The following GLB1 variants were observed in gnomAD, a reference collection of about 807,000 sequenced individuals.
GLB1 encodes the protein beta-galactosidase.
Under a neutral mutation model 74.0 loss-of-function variants are expected in GLB1, and 56 were observed. That is an observed-to-expected ratio of 0.76 (90% CI 0.61 to 0.94). GLB1 has a LOEUF of 0.94. GLB1 is among the 40% of genes least tolerant of loss of function. The pLI is 0.00. For synonymous variants in GLB1, 323 were observed against 323.6 expected (o/e 1.00, Z 0.02); for missense variants, 787 against 845.5 (o/e 0.93, Z 0.86).
intron 1 of GLB1, among the ~76,000 whole-genome samples, chr3:33,081,932 C>T (rs1700337403): frequency 6.6e-6 from 1 of 152,198 alleles, no homozygotes; most frequent in East Asian, 1.9e-4. Context: ...ATCCAATTCC[C>T]AGCTTTGAGC....
At chr3:33,073,252 C>A (rs12633904) in intron 1 of GLB1, among the ~76,000 whole-genome samples, 7 of 152,048 alleles carry the variant, frequency 4.6e-5, no homozygotes, top group Middle Eastern at 3.4e-3. Flanking sequence ...ATCTCTAACC[C>A]TACCTCTCTT....
At chr3:33,089,918 T>A (rs1047242417) in intron 1 of GLB1, among the ~76,000 whole-genome samples, 6 of 152,086 alleles carry the variant, frequency 3.9e-5, no homozygotes, top group African/African-American at 1.4e-4. Flanking sequence ...ACAAAAAAAA[T>A]GGTTAAGATA....
intron 15 of GLB1, among the ~76,000 whole-genome samples, chr3:33,013,113 A>AT (rs1559381671): frequency 6.6e-6 from 1 of 152,000 alleles, no homozygotes; most frequent in Non-Finnish European, 1.5e-5. Context: ...CACACTTGAC[A>AT]TTTTCCCCTC....
At chr3:32,982,063 C>G in the GLB1 span, among the ~76,000 whole-genome samples, 1 of 152,160 alleles carries the variant, frequency 6.6e-6, no homozygotes, top group African/African-American at 2.4e-5. Flanking sequence ...CCTGTAATCT[C>G]AGCACTTTGG....
intron 15 of GLB1, 53 bp from the exon 16 acceptor site, chr3:32,997,397 A>C: frequency 6.2e-7 from 1 of 1,607,548 alleles, no homozygotes; most frequent in Admixed American, 1.7e-5. Flanking sequence ...GAAAGCCCTG[A>C]GGAAGGTGGG....
At chr3:33,003,585 A>G (rs1003632281) in intron 15 of GLB1, among the ~76,000 whole-genome samples, 1 of 152,246 alleles carries the variant, frequency 6.6e-6, no homozygotes, top group Non-Finnish European at 1.5e-5. Context: ...CGGAAATAGT[A>G]GGTCTTGTAG....
At chr3:33,091,619 A>C (rs1700766102) in intron 1 of GLB1, 18 of 984,208 alleles carry the variant, frequency 1.8e-5, no homozygotes, top group Non-Finnish European at 2.2e-5. Context: ...CCCTCCTGAC[A>C]AAACAATCTT....
chr3:33,054,983 A>G (rs919184905), intron 6 of GLB1, among the ~76,000 whole-genome samples: 19 of 152,254 alleles, frequency 1.2e-4, no homozygotes, highest in Non-Finnish European at 2.5e-4. Flanking sequence ...ACTTGCTCTG[A>G]GATGGGCCTT....
chr3:33,037,048 ATTTTT>A (rs71070114), intron 10 of GLB1, among the ~76,000 whole-genome samples: 1 of 144,056 alleles, frequency 6.9e-6, no homozygotes, highest in Non-Finnish European at 1.5e-5. Context: ...ACCACAATTA[ATTTTT>A]TTTTTTTTTT....
Position 33,093,818 on chromosome 3 carries a change from G to A in GLB1, c.75+3193C>T, listed in dbSNP as rs993380472. ...GGATGAAGAGGAAGAAGAGCATGATGATGTAAGCACCCAGGCAGGAGTAGG... is the reference window on the plus strand; with the variant it reads ...GGATGAAGAGGAAGAAGAGCATGATAATGTAAGCACCCAGGCAGGAGTAGG... On this transcript the variant is annotated intron_variant, in intron 1 of 15. Transcript: ENST00000307363. The surrounding 1 kb of genome is among the most constrained non-coding windows in gnomAD (Gnocchi z 6.0). 1.2e-6 allele frequency: 2 copies of A among 1,613,434 alleles called. No homozygotes were observed. Among genetic ancestry groups the A allele is most frequent in the African/African-American group, 2.7e-5 (2 of 74,920 alleles).
At chr3:33,002,165 G>C (rs2125448394) in intron 15 of GLB1, among the ~76,000 whole-genome samples, 1 of 152,272 alleles carries the variant, frequency 6.6e-6, no homozygotes, top group East Asian at 1.9e-4. Flanking sequence ...GACCCTGGCA[G>C]ACTCTCCACC....
intron 1 of GLB1, chr3:33,091,857 G>A (rs1278778928): frequency 1.3e-5 from 13 of 985,256 alleles, no homozygotes; most frequent in African/African-American, 1.7e-5. Flanking sequence ...TTTCTAACAC[G>A]GGTGCTTATC....
At chr3:33,012,774 C>T (rs1174401231) in intron 15 of GLB1, among the ~76,000 whole-genome samples, 3 of 152,112 alleles carry the variant, frequency 2.0e-5, no homozygotes, top group African/African-American at 2.4e-5. Context: ...CTGAGTCATC[C>T]GAGACATATC....
At chr3:33,038,858 G>C (rs2125502101) in intron 10 of GLB1, among the ~76,000 whole-genome samples, 1 of 152,210 alleles carries the variant, frequency 6.6e-6, no homozygotes, top group Middle Eastern at 3.4e-3. Context: ...TAACTGCCTG[G>C]TAGAAGTAAA....
At chr3:33,006,970 A>G (rs1186020947) in intron 15 of GLB1, among the ~76,000 whole-genome samples, 2 of 152,190 alleles carry the variant, frequency 1.3e-5, no homozygotes, top group African/African-American at 2.4e-5. Flanking sequence ...CCATGTGCTA[A>G]CGTGCTCATT....
chr3:33,045,764 C>T lies in GLB1; in HGVS notation c.1068+356G>A. ...TCTCTCCCATCACCCTACCTCTCAC[C>T]TGAACTTTTGGAAAGATAATCTGGC... is the stretch of plus-strand genomic sequence containing the variant. On this transcript the variant is annotated intron_variant, in intron 10 of 15. Transcript: ENST00000307363. The T allele has an allele frequency of 2.0e-5, 23 of 1,169,202 alleles. No individual in the cohort carries two copies. The South Asian group carries it at 3.9e-4, about 20-fold the overall frequency. 72.4% of individuals were successfully genotyped at this position (1,169,202 alleles called of 1,614,324 possible).
chr3:33,008,885 C>T (rs951151892), intron 15 of GLB1, among the ~76,000 whole-genome samples: 1 of 151,966 alleles, frequency 6.6e-6, no homozygotes, highest in East Asian at 1.9e-4. Context: ...TCTGGGAGGC[C>T]GAGGCAGGCA....
chr3:32,980,728 C>T, the GLB1 span, among the ~76,000 whole-genome samples: 1 of 151,996 alleles, frequency 6.6e-6, no homozygotes, highest in Non-Finnish European at 1.5e-5. Context: ...TTGCAGTGAG[C>T]CAAGATCATG....
chr3:33,014,365 C>T, intron 14 of GLB1, 55 bp from the exon 15 acceptor site: 2 of 1,596,140 alleles, frequency 1.3e-6, no homozygotes, highest in East Asian at 2.3e-5. Flanking sequence ...AAAGGCTTCA[C>T]ATGTCTCTGC....
Sources: allele counts gnomAD v4.1 joint callset (sites outside exome capture counted in the v4.1 genomes callset), GRCh38; gene constraint gnomAD v4.1.1; non-coding constraint Gnocchi (gnomAD v3.1); transcripts MANE v1.5; gene names NCBI Gene and HGNC (gene_info 2026-07-23, HGNC 2026-07-21).